COL17A1: variants seen among roughly 807,000 people sequenced by gnomAD.
The protein encoded by COL17A1 is collagen alpha-1(XVII) chain.
COL17A1 carries 181 observed loss-of-function variants against 218.4 expected under a neutral mutation model. That is an observed-to-expected ratio of 0.83 (90% CI 0.73 to 0.94). The LOEUF is 0.94. Ranked by LOEUF, COL17A1 falls within the 40% of genes least tolerant of loss-of-function variation. The pLI is 0.00. For missense variants in COL17A1, 1,924 were observed against 1,945.9 expected (o/e 0.99, Z 0.21); for synonymous variants, 721 against 731.0 (o/e 0.99, Z 0.22).
At chr10:104,069,240 G>A (rs1386157607) in intron 9 of COL17A1, among the ~76,000 whole-genome samples, 2 of 152,154 alleles carry the variant, frequency 1.3e-5, no homozygotes, top group Non-Finnish European at 2.9e-5. Flanking sequence ...CCACCTCTCC[G>A]GCTGGGTGGA....
At chr10:104,071,714 C>G (rs1204548083) in intron 8 of COL17A1, among the ~76,000 whole-genome samples, 1 of 152,066 alleles carries the variant, frequency 6.6e-6, no homozygotes, top group African/African-American at 2.4e-5. Flanking sequence ...CTGGCCTGAT[C>G]TCCATGGGCT....
At chr10:104,045,875 A>G (rs1351790739) in intron 32 of COL17A1, 82 bp from the exon 33 acceptor site, 11 of 1,118,840 alleles carry the variant, frequency 9.8e-6, no homozygotes, top group Non-Finnish European at 1.2e-5. Context: ...GTGCTCCGTC[A>G]CTCAGCACAG....
At chr10:104,032,582 G>T in intron 55 of COL17A1, 92 bp downstream of exon 55, 1 of 1,370,090 alleles carries the variant, frequency 7.3e-7, no homozygotes, top group Non-Finnish European at 1.0e-6. Context: ...GAATTTCTCA[G>T]GCTTGCTCTG....
chr10:104,070,435 A>G lies in COL17A1; in HGVS notation c.598T>C (p.Ser200Pro). ...TVETKIVTAS[S>P]QSVSGTYDAT... ...GGGCTGTCAGACTTACCCGACTGGG[A>G]GCTCGCTGTCACAATTTTGGTCTCC... Residue 200 changes from serine (S) to proline (P), a missense_variant, in exon 9 of 56, where the codon TCC becomes CCC. By Grantham distance (74) the Ser-to-Pro change is moderately conservative. Coordinates refer to ENST00000648076, the MANE Select transcript of COL17A1 (RefSeq NM_000494.4). 1 of 1,613,512 alleles carries G rather than the reference A, an allele frequency of 6.2e-7. No homozygotes were observed. Among genetic ancestry groups the G allele is most frequent in the Non-Finnish European group, 8.5e-7 (1 of 1,180,016 alleles).
In COL17A1 at chr10:104,050,848, CT is replaced by C; in HGVS notation, c.2091del (p.Gly698ValfsTer29). 6.2e-7 allele frequency: 1 copy of C among 1,614,136 alleles called. No homozygotes were observed. Among genetic ancestry groups the C allele is most frequent in the Non-Finnish European group, 8.5e-7 (1 of 1,180,030 alleles). ...CCCCCCAGGCCTCCCTCCAGCTTAC[CT>C]TTGACACCAGGAAGTCCTACTTCAC... ...LRGEVGLPGV[K>X]GDKGPMGPPG... On this transcript the variant is annotated frameshift_variant and splice_region_variant, in exon 26 of 56. Transcript: ENST00000648076. LOFTEE classifies it high-confidence loss of function.
intron 48 of COL17A1, 86 bp downstream of exon 48, chr10:104,036,406 G>A (rs2086299015): frequency 3.8e-6 from 6 of 1,574,024 alleles, no homozygotes; most frequent in Non-Finnish European, 5.2e-6. Context: ...GGGGGTCAGT[G>A]GGGCAATCAC....
Position 104,032,114 on chromosome 10 carries a change from G to A in COL17A1, c.*121C>T. The A allele has an allele frequency of 5.3e-6, 4 of 755,940 alleles. No homozygotes were observed. Among genetic ancestry groups the A allele is most frequent in the Non-Finnish European group, 9.5e-6 (4 of 420,646 alleles). The allele number at this position is 755,940 out of a possible 1,614,324, so 46.8% of individuals were successfully genotyped here. ...GACTAAAACAAATGTTGCTAGCTAG[G>A]TTGGCTGTGCTGTCTCAGTAGGACA... is the stretch of plus-strand genomic sequence containing the variant. On this transcript the variant is annotated 3_prime_UTR_variant, in exon 56 of 56. Transcript: ENST00000648076.
At chr10:104,075,166 C>T (rs1232194451) in intron 5 of COL17A1, among the ~76,000 whole-genome samples, 1 of 152,172 alleles carries the variant, frequency 6.6e-6, no homozygotes, top group African/African-American at 2.4e-5. Context: ...TTGGCAAACT[C>T]CTTTAGTCTT....
chr10:104,079,778 T>G (rs2086747867), intron 2 of COL17A1, among the ~76,000 whole-genome samples: 1 of 151,988 alleles, frequency 6.6e-6, no homozygotes, highest in African/African-American at 2.4e-5. Flanking sequence ...ACACAAAAAA[T>G]TAGCTGGGTG....
rs966857887 is a variant in COL17A1, at chr10:104,085,771, C to G, written c.-60G>C. ...TGGAAACAACTTTGAATAAATCCCC[C>G]TCTCTCTTTCTTCTCCTGATGTTTT... On this transcript the variant is annotated 5_prime_UTR_variant, in exon 1 of 56. Coordinates refer to ENST00000648076, the MANE Select transcript of COL17A1 (RefSeq NM_000494.4). 6.6e-6 allele frequency: 1 copy of G among 152,600 alleles called. No homozygotes were observed. Among genetic ancestry groups the G allele is most frequent in the East Asian group, 1.9e-4 (1 of 5,202 alleles). The allele number at this position is 152,600 out of a possible 1,614,324, so 9.5% of individuals were successfully genotyped here. A position where few individuals can be genotyped will look rare whatever the true frequency, so the allele number is the denominator to read the frequency against.
At chr10:104,032,616 T>G in intron 55 of COL17A1, 58 bp downstream of exon 55, 9 of 1,529,730 alleles carry the variant, frequency 5.9e-6, no homozygotes, top group South Asian at 1.1e-5. Context: ...GCTTCTCTAA[T>G]GAGCGTCAGC....
At position 104,038,510 on chromosome 10, in the gene COL17A1, A is replaced by C; in HGVS notation, c.2966T>G (p.Met989Arg). 1.2e-6 allele frequency: 2 copies of C among 1,613,088 alleles called. No individual in the cohort carries two copies. Among genetic ancestry groups the C allele is most frequent in the Non-Finnish European group, 1.7e-6 (2 of 1,179,968 alleles). ...GGGCCCTGGCGGGCCTGACACGTAC[A>C]TGGTACTTGATGATCCCCCTGCAGC... ...GPSEGGSSST[M>R]YVSGPPGPPG... Residue 989 changes from methionine to arginine, a missense_variant, in exon 45 of 56, where the codon ATG becomes AGG. By Grantham distance (91) the Met-to-Arg change is moderately conservative. Transcript: ENST00000648076.
chr10:104,083,908 A>G (rs1423764908), intron 1 of COL17A1, among the ~76,000 whole-genome samples: 2 of 152,232 alleles, frequency 1.3e-5, no homozygotes, highest in East Asian at 1.9e-4. Flanking sequence ...TCCATTCTCT[A>G]TACACTTTAA....
chr10:104,064,983 A>G (rs1277781503), intron 9 of COL17A1, among the ~76,000 whole-genome samples: 1 of 152,182 alleles, frequency 6.6e-6, no homozygotes, highest in African/African-American at 2.4e-5. Context: ...AGGAGCAACA[A>G]ATGAGACCCC....
rs372125226 is a variant in COL17A1, at chr10:104,045,778, G to C, written c.2378C>G (p.Pro793Arg). 1.3e-5 allele frequency: 21 copies of C among 1,612,686 alleles called. No homozygotes were observed. Among genetic ancestry groups the C allele is most frequent in the African/African-American group, 2.7e-5 (2 of 74,910 alleles). Residue 793 changes from proline to arginine, a missense_variant, in exon 33 of 56, where the codon CCT becomes CGT. By Grantham distance (103) the Pro-to-Arg change is moderately radical (BLOSUM62 -2). Coordinates refer to ENST00000648076, the MANE Select transcript of COL17A1 (RefSeq NM_000494.4). ...PQGPQGLPGT[P>R]GRPGIKGEPG... Reference sequence around the variant, plus strand: ...CTTACCTTTTATTCCTGGTCGGCCAGGGGTACCGGGAAGTCCTGATGTGAT... The same window carrying C: ...CTTACCTTTTATTCCTGGTCGGCCACGGGTACCGGGAAGTCCTGATGTGAT...
intron 48 of COL17A1, 81 bp from the exon 49 acceptor site, chr10:104,035,644 G>A: frequency 8.8e-7 from 1 of 1,133,190 alleles, no homozygotes; most frequent in Non-Finnish European, 1.3e-6. Flanking sequence ...TACAGAAGAG[G>A]TTTGGACAGA....
At position 104,063,669 on chromosome 10, in the gene COL17A1, T is replaced by A. The variant is rs1300714130; in HGVS notation, c.838+78A>T. The A allele has an allele frequency of 1.9e-6, 3 of 1,597,274 alleles. No homozygotes were observed. The South Asian group carries it at 3.4e-5, about 18-fold the overall frequency. Reference sequence around the variant, plus strand: ...CTGCAGTATGCATGGAAGAAAGGCCTTCATGCTCTTGGGTGAAGCATCCTA... The same window carrying A: ...CTGCAGTATGCATGGAAGAAAGGCCATCATGCTCTTGGGTGAAGCATCCTA... On this transcript the variant is annotated intron_variant, in intron 11 of 55. Coordinates refer to ENST00000648076, the MANE Select transcript of COL17A1 (RefSeq NM_000494.4).
intron 31 of COL17A1, among the ~76,000 whole-genome samples, chr10:104,047,295 C>G (rs1165252307): frequency 6.6e-6 from 1 of 151,940 alleles, no homozygotes; most frequent in Non-Finnish European, 1.5e-5. Flanking sequence ...TCCTCGGCCT[C>G]GTGGGTGTTG....
rs1285671785 is a variant in COL17A1 at position 104,057,138 on chromosome 10, GCCA to G, written c.1299_1301del (p.Gly434del). On this transcript the variant is annotated inframe_deletion, in exon 17 of 56. Transcript: ENST00000648076. ...CACCAACACCGCCACCTCCTCCACT[GCCA>G]CCACCACCACTGCTGCCGTAGCTGT... is the stretch of plus-strand genomic sequence containing the variant. The G allele has an allele frequency of 8.7e-6, 14 of 1,604,392 alleles. No individual in the cohort carries two copies. The highest frequency in any genetic ancestry group is 1.1e-5 in the Non-Finnish European group (13 of 1,176,560).
Sources: gnomAD v4.1 joint callset for allele counts (sites outside exome capture counted in the v4.1 genomes callset) on GRCh38, gnomAD v4.1.1 for gene constraint, MANE v1.5 for transcripts, NCBI Gene and HGNC (gene_info 2026-07-23, HGNC 2026-07-21) for gene names.